Variants in CREBRF observed in about 807,000 individuals in gnomAD.
The protein encoded by CREBRF is UPF0474 protein C5orf41.
A neutral mutation model predicts 66.1 loss-of-function variants in CREBRF; 5 were observed. The ratio of observed to expected loss-of-function variants is 0.08; its 90% CI spans 0.04 to 0.16. CREBRF has a LOEUF of 0.16. CREBRF is among the 10% of genes least tolerant of loss of function. The probability of loss-of-function intolerance (pLI) is 1.00; values close to 1 mark genes in which losing one functional copy is unlikely to be tolerated. For synonymous variants in CREBRF, 229 were observed against 264.4 expected, an observed-to-expected ratio of 0.87 and a Z score of 1.30; for missense variants, 531 against 744.9, an observed-to-expected ratio of 0.71 and a Z score of 3.34.
chr5:173,062,966 C>G (rs1757322606), intron 1 of CREBRF, among the ~76,000 whole-genome samples: 1 of 151,964 alleles, frequency 6.6e-6, no homozygotes, highest in African/African-American at 2.4e-5. Context: ...CCGGGATGGT[C>G]TCGATCTCCT....
chr5:173,059,426 G>A (rs11957055), intron 1 of CREBRF, among the ~76,000 whole-genome samples: 19,902 of 151,468 alleles, frequency 0.13, 2,208 homozygotes, highest in African/African-American at 0.29. Flanking sequence ...CACCACGCCC[G>A]GCTAATTTTG....
At chr5:173,064,798 A>G (rs1757386011) in intron 1 of CREBRF, among the ~76,000 whole-genome samples, 1 of 152,080 alleles carries the variant, frequency 6.6e-6, no homozygotes, top group African/African-American at 2.4e-5. Flanking sequence ...TCCCCACCCC[A>G]GGTGATCTGC....
chr5:173,064,719 C>T (rs1409260708), intron 1 of CREBRF, among the ~76,000 whole-genome samples: 1 of 151,958 alleles, frequency 6.6e-6, no homozygotes, highest in Non-Finnish European at 1.5e-5. Flanking sequence ...GATGTGCCAC[C>T]ATGCCCAGCT....
At chr5:173,095,267 C>T (rs1758451333) in intron 4 of CREBRF, among the ~76,000 whole-genome samples, 1 of 144,310 alleles carries the variant, frequency 6.9e-6, no homozygotes, top group Non-Finnish European at 1.5e-5. Flanking sequence ...TGGCTCACTG[C>T]AAGCTCCGCC....
intron 3 of CREBRF, among the ~76,000 whole-genome samples, chr5:173,089,142 A>G (rs904252855): frequency 6.8e-6 from 1 of 147,264 alleles, no homozygotes; most frequent in Non-Finnish European, 1.5e-5. Flanking sequence ...GCGCCACTGC[A>G]CTCCAGTCTG....
At chr5:173,084,479 C>T (rs1758066528) in intron 2 of CREBRF, among the ~76,000 whole-genome samples, 1 of 152,096 alleles carries the variant, frequency 6.6e-6, no homozygotes, top group Non-Finnish European at 1.5e-5. Context: ...AAAACAAAAA[C>T]TGGTACTAAT....
intron 8 of CREBRF, among the ~76,000 whole-genome samples, chr5:173,132,211 G>C (rs1181492902): frequency 7.0e-6 from 1 of 143,170 alleles, no homozygotes; most frequent in Non-Finnish European, 1.5e-5. Flanking sequence ...TCAGCCTCCT[G>C]AGTAGCTGGG....
In CREBRF at chr5:173,056,836, C is replaced by G. The variant is rs534984850; in HGVS notation, c.-192+357C>G. Among the ~76,000 whole-genome samples the G allele has an allele frequency of 2.0e-4, 29 of 142,648 alleles. No individual in the cohort carries two copies. The South Asian group carries it at 3.6e-3, about 18-fold the overall frequency. 93.6% of individuals were successfully genotyped at this position (142,648 alleles called of 152,430 possible). A position where few individuals can be genotyped will look rare whatever the true frequency, so the allele number is the denominator to read the frequency against. ...GGCCCTTCCCCGCTGCCTCCGAGCC[C>G]GGGGCCGCTGCTGCCGGCAGTCGGC... is the stretch of plus-strand genomic sequence containing the variant. On this transcript the variant is annotated intron_variant, in intron 1 of 8. Transcript: ENST00000296953.
Position 173,135,658 on chromosome 5 carries a change from T to C in CREBRF, c.*1913T>C, listed in dbSNP as rs1042927707. ...ACTTTGACTATAAAGTGTCAAAGTA[T>C]AATTTGTTCTTTTCTTTTACTTTGT... is the stretch of plus-strand genomic sequence containing the variant. On this transcript the variant is annotated 3_prime_UTR_variant, in exon 9 of 9. Transcript: ENST00000296953. The C allele has an allele frequency of 6.6e-6, 1 of 152,232 alleles. No individual in the cohort carries two copies. Among genetic ancestry groups the C allele is most frequent in the African/African-American group, 2.4e-5 (1 of 41,444 alleles). The allele number at this position is 152,232 out of a possible 1,614,324, so 9.4% of individuals were successfully genotyped here.
chr5:173,066,734 T>C (rs987330679), intron 1 of CREBRF, among the ~76,000 whole-genome samples: 27 of 152,112 alleles, frequency 1.8e-4, no homozygotes, highest in Non-Finnish European at 1.5e-5. Context: ...TAGAATGTGT[T>C]GTCTTTTGAG....
At chr5:173,076,494 T>C (rs1252278221) in intron 1 of CREBRF, among the ~76,000 whole-genome samples, 6 of 152,184 alleles carry the variant, frequency 3.9e-5, no homozygotes, top group Non-Finnish European at 8.8e-5. Flanking sequence ...CTCGCACCTG[T>C]AATCCCAACA....
intron 7 of CREBRF, among the ~76,000 whole-genome samples, chr5:173,122,569 T>TTTTTTA (rs771521921): frequency 7.6e-6 from 1 of 132,090 alleles, no homozygotes; most frequent in African/African-American, 2.9e-5. Context: ...TATTATTTCT[T>TTTTTTA]TTATTATTAT....
rs70984946 is a variant in CREBRF at position 173,129,106 on chromosome 5, C to CTTTTTTTTTTTT, written c.1805-4507_1805-4496dup. Among the ~76,000 whole-genome samples the CTTTTTTTTTTTT allele has an allele frequency of 8.4e-4, 45 of 53,750 alleles. 4 individuals are homozygous for CTTTTTTTTTTTT. The highest frequency in any genetic ancestry group is 2.8e-3 in the South Asian group (3 of 1,070). The allele number at this position is 53,750 out of a possible 152,430, so 35.3% of individuals were successfully genotyped here. A position where few individuals can be genotyped will look rare whatever the true frequency, so the allele number is the denominator to read the frequency against. ...CTGAATCATTTTATATTAGTTACAT[C>CTTTTTTTTTTTT]TTTTTTTTTTTTTTTTTTTTTTTTT... is the stretch of plus-strand genomic sequence containing the variant. On this transcript the variant is annotated intron_variant, in intron 8 of 8. Transcript: ENST00000296953.
intron 7 of CREBRF, among the ~76,000 whole-genome samples, chr5:173,121,162 C>G (rs1759129936): frequency 6.6e-6 from 1 of 152,056 alleles, no homozygotes; most frequent in South Asian, 2.1e-4. Flanking sequence ...TTGGTGTTGT[C>G]TCTTATTTTT....
At chr5:173,127,032 T>C (rs1759290484) in intron 8 of CREBRF, among the ~76,000 whole-genome samples, 1 of 152,092 alleles carries the variant, frequency 6.6e-6, no homozygotes, top group African/African-American at 2.4e-5. Context: ...AGCAGGGTGA[T>C]TGCACCACTG....
At chr5:173,056,576 C>T in intron 1 of CREBRF, 97 bp downstream of exon 1, 2 of 394,480 alleles carry the variant, frequency 5.1e-6, no homozygotes, top group Non-Finnish European at 8.9e-6. Flanking sequence ...GAGGCAGCAG[C>T]GCTGGGGCTC....
chr5:173,117,553 CT>C (rs1436906075), intron 7 of CREBRF, among the ~76,000 whole-genome samples: 18 of 44,402 alleles, frequency 4.1e-4, no homozygotes, highest in African/African-American at 1.2e-3. Context: ...TTCCCCTCCC[CT>C]CTTCCTCCCT....
At chr5:173,079,465 TTA>T (rs1757867444) in intron 1 of CREBRF, among the ~76,000 whole-genome samples, 2 of 143,558 alleles carry the variant, frequency 1.4e-5, no homozygotes, top group African/African-American at 5.5e-5. Context: ...TCTGTCTTTT[TTA>T]AAAAAAAAAA....
intron 8 of CREBRF, chr5:173,124,615 C>T (rs1157766488): frequency 5.4e-5 from 8 of 147,648 alleles, no homozygotes; most frequent in Admixed American, 1.4e-4. Flanking sequence ...ATTATTTTTT[C>T]CTTATAAGTA....
Sources: gnomAD v4.1 joint callset for allele counts (sites outside exome capture counted in the v4.1 genomes callset) on GRCh38, gnomAD v4.1.1 for gene constraint, MANE v1.5 for transcripts, NCBI Gene and HGNC (gene_info 2026-07-23, HGNC 2026-07-21) for gene names.